The following ZNF723 variants were observed in gnomAD, a reference collection of about 807,000 sequenced individuals.
ZNF723 encodes zinc finger protein 723, also known as zinc finger protein 723, pseudogene.
ZNF723 carries 5 observed loss-of-function variants against 9.4 expected under a neutral mutation model. That is an observed-to-expected ratio of 0.53 (90% CI 0.28 to 1.12). The LOEUF (loss-of-function observed/expected upper bound fraction) is 1.12, where lower values mean the gene tolerates loss of function less well. ZNF723 is among the 50% of genes most tolerant of loss of function. ZNF723 has a pLI of 0.10. For synonymous variants in ZNF723, 158 were observed against 168.8 expected (o/e 0.94, Z 0.49); for missense variants, 450 against 501.5 (o/e 0.90, Z 0.98).
chr19:22,837,643 G>A (rs1343631014), intron 1 of ZNF723, among the ~76,000 whole-genome samples: 1 of 152,112 alleles, frequency 6.6e-6, no homozygotes, highest in Non-Finnish European at 1.5e-5. Context: ...AGAGAGGACT[G>A]AAAACTTAGA....
chr19:22,848,445 T>G lies in ZNF723; in HGVS notation c.130+58T>G. On this transcript the variant is annotated intron_variant, in intron 2 of 3. Coordinates refer to ENST00000600766, the MANE Select transcript of ZNF723 (RefSeq NM_001349726.2). ...ACTGTAAATGTTTCTTTTTTTGGTG[T>G]TGTAGAATGTTTTTTGGTAATTGAT... is the stretch of plus-strand genomic sequence containing the variant. 9 of 1,221,174 alleles carry G rather than the reference T, an allele frequency of 7.4e-6. No individual in the cohort carries two copies. In the South Asian group the frequency reaches 1.0e-4, roughly 14 times the overall value. 75.6% of individuals were successfully genotyped at this position (1,221,174 alleles called of 1,614,324 possible).
chr19:22,819,494 T>C, the ZNF723 span, among the ~76,000 whole-genome samples: 1 of 152,232 alleles, frequency 6.6e-6, no homozygotes, highest in Non-Finnish European at 1.5e-5. Context: ...TATAGTTTTC[T>C]TCCTAGGACC....
chr19:22,845,657 T>A (rs1183274339), intron 1 of ZNF723, among the ~76,000 whole-genome samples: 1 of 149,486 alleles, frequency 6.7e-6, no homozygotes, highest in Non-Finnish European at 1.5e-5. Context: ...AACTTTTATT[T>A]CTTCTTCATG....
At chr19:22,839,122 C>G (rs903372286) in intron 1 of ZNF723, among the ~76,000 whole-genome samples, 1 of 152,124 alleles carries the variant, frequency 6.6e-6, no homozygotes, top group Admixed American at 6.6e-5. Flanking sequence ...CCTGCCTCGG[C>G]CTCTTAAATT....
chr19:22,844,078 A>T (rs1220046537), intron 1 of ZNF723, among the ~76,000 whole-genome samples: 1 of 152,152 alleles, frequency 6.6e-6, no homozygotes, highest in Non-Finnish European at 1.5e-5. Context: ...ATTGGAAGAG[A>T]TGAGAGTTTT....
intron 3 of ZNF723, among the ~76,000 whole-genome samples, chr19:22,856,809 T>G (rs770599711): frequency 3.0e-4 from 46 of 152,324 alleles, no homozygotes; most frequent in African/African-American, 1.1e-3. Context: ...GAGCTTACAA[T>G]TTACTTGTAA....
At position 22,848,729 on chromosome 19, in the gene ZNF723, T is replaced by TTTTATTTA. The variant is rs71163410; in HGVS notation, c.130+380_130+387dup. ...TCAGTGGTACTGGGTAGAGAAATTATTTTATTTATTTATTTATTTATTTAT... is the reference window on the plus strand; with the variant it reads ...TCAGTGGTACTGGGTAGAGAAATTATTTTATTTATTTATTTATTTATTTATTTATTTAT... On this transcript the variant is annotated intron_variant, in intron 2 of 3. Coordinates refer to ENST00000600766, the MANE Select transcript of ZNF723 (RefSeq NM_001349726.2). 7.3e-4 allele frequency among the ~76,000 whole-genome samples: 105 copies of TTTTATTTA among 143,062 alleles called. 1 individual carries two copies. The Middle Eastern group carries it at 0.032, about 44-fold the overall frequency. The allele number at this position is 143,062 out of a possible 152,430, so 93.9% of individuals were successfully genotyped here. A position where few individuals can be genotyped will look rare whatever the true frequency, so the allele number is the denominator to read the frequency against.
At chr19:22,824,159 G>A in the ZNF723 span, among the ~76,000 whole-genome samples, 6 of 152,120 alleles carry the variant, frequency 3.9e-5, no homozygotes, top group Admixed American at 6.5e-5. Flanking sequence ...ACAACATATT[G>A]CTGAAACCAG....
chr19:22,829,913 T>C (rs1009597821), upstream of ZNF723, among the ~76,000 whole-genome samples: 2 of 152,218 alleles, frequency 1.3e-5, no homozygotes, highest in African/African-American at 4.8e-5. Context: ...ATTTTCTGTA[T>C]GCCACTTTGC....
At chr19:22,822,778 C>T in the ZNF723 span, among the ~76,000 whole-genome samples, 66 of 152,100 alleles carry the variant, frequency 4.3e-4, no homozygotes, top group African/African-American at 1.5e-3. Context: ...AGGAGAATTG[C>T]GTGAACCTGG....
chr19:22,814,803 A>T, the ZNF723 span, among the ~76,000 whole-genome samples: 1 of 152,122 alleles, frequency 6.6e-6, no homozygotes, highest in Non-Finnish European at 1.5e-5. Context: ...CACTGAACTC[A>T]TACCTAGGTG....
At chr19:22,816,004 T>G in the ZNF723 span, among the ~76,000 whole-genome samples, 23 of 152,340 alleles carry the variant, frequency 1.5e-4, no homozygotes, top group African/African-American at 5.3e-4. Flanking sequence ...GATGTATTTC[T>G]AATTCTGGCA....
intron 1 of ZNF723, among the ~76,000 whole-genome samples, chr19:22,842,845 G>A (rs1179776839): frequency 1.3e-5 from 2 of 152,128 alleles, no homozygotes; most frequent in Admixed American, 1.3e-4. Context: ...TGAGAATGTA[G>A]AGAAAACTAA....
At chr19:22,853,866 G>T (rs1967432002) in intron 3 of ZNF723, among the ~76,000 whole-genome samples, 1 of 151,958 alleles carries the variant, frequency 6.6e-6, no homozygotes, top group African/African-American at 2.4e-5. Flanking sequence ...TGCCTGCCTT[G>T]GCCTCCCAAA....
At chr19:22,819,916 A>G in the ZNF723 span, among the ~76,000 whole-genome samples, 2 of 152,150 alleles carry the variant, frequency 1.3e-5, no homozygotes, top group East Asian at 3.9e-4. Context: ...TCAAACACCT[A>G]GGTGATTTGA....
chr19:22,821,761 T>C, the ZNF723 span, among the ~76,000 whole-genome samples: 2 of 152,144 alleles, frequency 1.3e-5, no homozygotes, highest in Admixed American at 6.6e-5. Flanking sequence ...TTTTGGACAG[T>C]GGGTAGAGTC....
At chr19:22,841,454 A>G (rs1967244791) in intron 1 of ZNF723, among the ~76,000 whole-genome samples, 1 of 152,286 alleles carries the variant, frequency 6.6e-6, no homozygotes, top group Non-Finnish European at 1.5e-5. Context: ...GTAATAAAAC[A>G]GTTTTCTTTC....
intron 1 of ZNF723, among the ~76,000 whole-genome samples, chr19:22,835,216 T>C (rs900882939): frequency 6.6e-6 from 1 of 151,866 alleles, no homozygotes; most frequent in African/African-American, 2.4e-5. Flanking sequence ...AATTTTTGTA[T>C]TTTTTAGCAG....
the ZNF723 span, among the ~76,000 whole-genome samples, chr19:22,816,154 GAA>G: frequency 6.6e-6 from 1 of 152,166 alleles, no homozygotes; most frequent in African/African-American, 2.4e-5. Context: ...GTATATTGTA[GAA>G]AGCCCTTTGG....
Sources: allele counts gnomAD v4.1 joint callset (sites outside exome capture counted in the v4.1 genomes callset), GRCh38; gene constraint gnomAD v4.1.1; transcripts MANE v1.5; gene names NCBI Gene and HGNC (gene_info 2026-07-23, HGNC 2026-07-21).